The following NBAS variants were observed in gnomAD, a reference collection of about 807,000 sequenced individuals.
The protein encoded by NBAS is NBAS subunit of NRZ tethering complex, also known as NAG/BC035112 fusion.
In NBAS, 219 loss-of-function variants were observed where a neutral mutation model predicts 302.5. That is an observed-to-expected ratio of 0.72 (90% CI 0.65 to 0.81). The LOEUF is 0.81. Among genes scored for constraint, NBAS ranks in the 30% least tolerant of loss-of-function variants. The probability of loss-of-function intolerance (pLI) is 0.00; values close to 1 mark genes in which losing one functional copy is unlikely to be tolerated. For missense variants in NBAS, 2,932 were observed against 2,841.6 expected (o/e 1.03, Z -0.72); for synonymous variants, 1,118 against 1,021.6 (o/e 1.09, Z -1.80).
intron 35 of NBAS, among the ~76,000 whole-genome samples, chr2:15,338,674 T>TACACACACACACACACACACAC (rs70961409): frequency 1.5e-4 from 20 of 134,538 alleles, no homozygotes; most frequent in Non-Finnish European, 2.4e-4. Context: ...AACACACACA[T>TACACACACACACACACACACAC]ACACACACAC....
At chr2:15,396,283 C>T (rs1475378762) in intron 27 of NBAS, 130 bp downstream of exon 27, 7 of 680,626 alleles carry the variant, frequency 1.0e-5, no homozygotes, top group Non-Finnish European at 1.7e-5. Flanking sequence ...AGAAAATTCA[C>T]TCCCAAGACA....
chr2:14,856,542 G>A, the NBAS span, among the ~76,000 whole-genome samples: 1 of 152,204 alleles, frequency 6.6e-6, no homozygotes, highest in African/African-American at 2.4e-5. Flanking sequence ...GAAACTCAAA[G>A]AAATTCAAGA....
the NBAS span, among the ~76,000 whole-genome samples, chr2:14,960,232 C>A: frequency 1.3e-5 from 2 of 152,214 alleles, no homozygotes; most frequent in Admixed American, 6.5e-5. Context: ...GCTCTGTGCA[C>A]AGCTGTAGCA....
intron 20 of NBAS, 121 bp from the exon 21 acceptor site, chr2:15,461,458 G>T: frequency 9.5e-7 from 1 of 1,048,494 alleles, no homozygotes; most frequent in Non-Finnish European, 1.5e-6. Flanking sequence ...ACCTTGAAAT[G>T]ACCCTAGTTT....
At chr2:15,304,284 G>GGAAGAAAGTGC (rs2148145993) in intron 40 of NBAS, among the ~76,000 whole-genome samples, 1 of 148,582 alleles carries the variant, frequency 6.7e-6, no homozygotes, top group South Asian at 2.1e-4. Flanking sequence ...TGCTGCCTTG[G>GGAAGAAAGTGC]GAAGAAAGTG....
the NBAS span, among the ~76,000 whole-genome samples, chr2:15,081,332 C>T: frequency 6.6e-6 from 1 of 152,104 alleles, no homozygotes; most frequent in Non-Finnish European, 1.5e-5. Flanking sequence ...AGGAGGTATG[C>T]CCAAGACGGT....
chr2:14,910,093 T>G, the NBAS span, among the ~76,000 whole-genome samples: 5 of 152,182 alleles, frequency 3.3e-5, no homozygotes, highest in African/African-American at 1.2e-4. Context: ...TAGGTTCATT[T>G]GCGTATGAGA....
At chr2:14,882,004 A>G in the NBAS span, among the ~76,000 whole-genome samples, 1 of 152,162 alleles carries the variant, frequency 6.6e-6, no homozygotes, top group African/African-American at 2.4e-5. Context: ...TAAATGTCCC[A>G]TGTAACATCC....
the NBAS span, among the ~76,000 whole-genome samples, chr2:15,085,117 C>T: frequency 3.7e-3 from 566 of 152,308 alleles, 7 homozygotes; most frequent in African/African-American, 0.012. Context: ...GGAGGAGCAA[C>T]GCAGTTGGGC....
At chr2:15,541,434 T>A (rs1187936172) in intron 6 of NBAS, among the ~76,000 whole-genome samples, 1 of 152,296 alleles carries the variant, frequency 6.6e-6, no homozygotes, top group East Asian at 1.9e-4. Flanking sequence ...AAGTCATCTA[T>A]CTACCTAAAA....
the NBAS span, among the ~76,000 whole-genome samples, chr2:14,927,266 C>A: frequency 6.6e-6 from 1 of 152,232 alleles, no homozygotes; most frequent in African/African-American, 2.4e-5. Flanking sequence ...TATAAATACA[C>A]ATCCTATTGG....
chr2:15,479,982 A>G (rs1680357150), intron 12 of NBAS, among the ~76,000 whole-genome samples: 1 of 152,228 alleles, frequency 6.6e-6, no homozygotes, highest in Non-Finnish European at 1.5e-5. Flanking sequence ...AGCTATAGGA[A>G]AATTATCTGA....
chr2:14,973,780 A>G, the NBAS span, among the ~76,000 whole-genome samples: 4 of 152,328 alleles, frequency 2.6e-5, no homozygotes, highest in Admixed American at 6.5e-5. Flanking sequence ...CTGTTTCTGT[A>G]AAGTTTTTCA....
the NBAS span, among the ~76,000 whole-genome samples, chr2:14,911,716 T>C: frequency 6.6e-6 from 1 of 152,196 alleles, no homozygotes; most frequent in Non-Finnish European, 1.5e-5. Flanking sequence ...CCTTCCTTAG[T>C]GTAATGGTTA....
the NBAS span, among the ~76,000 whole-genome samples, chr2:14,962,144 C>G: frequency 6.6e-6 from 1 of 152,102 alleles, no homozygotes. Flanking sequence ...GAGTTTGATA[C>G]TGTGGATATT....
chr2:15,091,611 C>T, the NBAS span, among the ~76,000 whole-genome samples: 2 of 151,424 alleles, frequency 1.3e-5, no homozygotes, highest in African/African-American at 4.9e-5. Context: ...AGGATCACTG[C>T]AACCTCCACT....
chr2:14,856,328 C>T, the NBAS span, among the ~76,000 whole-genome samples: 4 of 152,136 alleles, frequency 2.6e-5, no homozygotes, highest in Admixed American at 6.5e-5. Flanking sequence ...AGAAGAATGG[C>T]TACAAATAAG....
rs144056853 is a variant in NBAS, at chr2:15,537,266, G to A, written c.514-715C>T. Among the ~76,000 whole-genome samples the A allele has an allele frequency of 3.2e-3, 480 of 152,302 alleles. 4 individuals are homozygous for A. The highest frequency in any genetic ancestry group is 0.01 in the African/African-American group (424 of 41,564). On this transcript the variant is annotated intron_variant, in intron 7 of 51. Coordinates refer to ENST00000281513, the MANE Select transcript of NBAS (RefSeq NM_015909.4). ...AAGGCAAAAATTTATCTTTGTGACAGTGCTCCTCAGTACCAGGAGGAGGAG... is the reference window on the plus strand; with the variant it reads ...AAGGCAAAAATTTATCTTTGTGACAATGCTCCTCAGTACCAGGAGGAGGAG...
intron 40 of NBAS, among the ~76,000 whole-genome samples, chr2:15,295,801 T>A (rs924881052): frequency 6.6e-6 from 1 of 152,154 alleles, no homozygotes; most frequent in Non-Finnish European, 1.5e-5. Context: ...TTGAAGTCTG[T>A]AGTACTGGTT....
Sources: gnomAD v4.1 joint callset for allele counts (sites outside exome capture counted in the v4.1 genomes callset) on GRCh38, gnomAD v4.1.1 for gene constraint, MANE v1.5 for transcripts, NCBI Gene and HGNC (gene_info 2026-07-23, HGNC 2026-07-21) for gene names.